NRG3: variants seen among roughly 807,000 people sequenced by gnomAD.
The protein encoded by NRG3 is pro-neuregulin-3, membrane-bound isoform.
Under a neutral mutation model 66.9 loss-of-function variants are expected in NRG3, and 31 were observed. The observed-to-expected ratio is 0.46, with a 90% confidence interval of 0.35 to 0.63. The LOEUF (loss-of-function observed/expected upper bound fraction) is 0.63. Ranked by LOEUF, NRG3 falls within the 20% of genes least tolerant of loss-of-function variation. NRG3 has a pLI of 0.00. For synonymous variants in NRG3, 393 were observed against 359.4 expected (o/e 1.09, Z -1.06); for missense variants, 910 against 878.9 (o/e 1.04, Z -0.45).
chr10:82,204,165 C>T (rs2074996615), intron 1 of NRG3, among the ~76,000 whole-genome samples: 1 of 152,104 alleles, frequency 6.6e-6, no homozygotes, highest in African/African-American at 2.4e-5. Context: ...CACATATTAA[C>T]AGGAGCTTTA....
At chr10:82,865,534 T>A (rs1158149993) in intron 4 of NRG3, 97 bp downstream of exon 4, 3 of 1,266,964 alleles carry the variant, frequency 2.4e-6, no homozygotes, top group Non-Finnish European at 3.3e-6. Context: ...AATTGAAATG[T>A]CTCATTATCA....
At chr10:82,218,968 A>C (rs2075813486) in intron 1 of NRG3, among the ~76,000 whole-genome samples, 1 of 151,862 alleles carries the variant, frequency 6.6e-6, no homozygotes, top group Non-Finnish European at 1.5e-5. Flanking sequence ...TACTTAAAAA[A>C]CCTATTAAAT....
chr10:82,733,241 A>G (rs920155041), intron 2 of NRG3, among the ~76,000 whole-genome samples: 1 of 152,222 alleles, frequency 6.6e-6, no homozygotes, highest in African/African-American at 2.4e-5. Context: ...TATTCTTCAT[A>G]TATTTGTCTC....
chr10:82,262,348 C>T (rs2078075756), intron 1 of NRG3, among the ~76,000 whole-genome samples: 2 of 152,104 alleles, frequency 1.3e-5, no homozygotes, highest in Admixed American at 1.3e-4. Flanking sequence ...AAGTATTCAG[C>T]CCTACTCTAG....
At chr10:82,462,973 G>A (rs982446437) in intron 2 of NRG3, among the ~76,000 whole-genome samples, 3 of 152,132 alleles carry the variant, frequency 2.0e-5, no homozygotes, top group Non-Finnish European at 4.4e-5. Flanking sequence ...TTGAACCCAA[G>A]ATGACTACAT....
intron 2 of NRG3, among the ~76,000 whole-genome samples, chr10:82,404,399 T>G (rs910415558): frequency 1.3e-5 from 2 of 152,168 alleles, no homozygotes; most frequent in Admixed American, 1.3e-4. Context: ...TAACCTCACC[T>G]AATGTCTCAC....
intron 2 of NRG3, among the ~76,000 whole-genome samples, chr10:82,491,219 C>G (rs1378295182): frequency 6.9e-6 from 1 of 145,382 alleles, no homozygotes; most frequent in Non-Finnish European, 1.5e-5. Context: ...AATCCCTACT[C>G]TGAACTATCT....
At chr10:82,519,032 A>G (rs1845953616) in intron 2 of NRG3, among the ~76,000 whole-genome samples, 1 of 152,172 alleles carries the variant, frequency 6.6e-6, no homozygotes, top group Non-Finnish European at 1.5e-5. Context: ...GTGCAGCTAC[A>G]ATGTGATCTC....
Position 82,441,820 on chromosome 10 carries a change from C to T in NRG3, c.953+82952C>T, listed in dbSNP as rs530646623. Among the ~76,000 whole-genome samples the T allele has an allele frequency of 8.5e-5, 13 of 152,324 alleles. No individual in the cohort carries two copies. In the South Asian group the frequency reaches 1.0e-3, roughly 12 times the overall value. On this transcript the variant is annotated intron_variant, in intron 2 of 8. Coordinates refer to ENST00000372141, the MANE Select transcript of NRG3 (RefSeq NM_001010848.4). ...CACAGCCTGCTGTGGTGACCAATCA[C>T]CAGTCAGATCACCAGGAGGCTCTCT...
At chr10:82,952,467 C>CTGTG (rs1849624428) in intron 5 of NRG3, among the ~76,000 whole-genome samples, 3 of 37,010 alleles carry the variant, frequency 8.1e-5, no homozygotes, top group African/African-American at 2.8e-4. Context: ...CTCTCTCTCT[C>CTGTG]TCTCTGTGTG....
At chr10:82,400,010 T>C (rs999313570) in intron 2 of NRG3, among the ~76,000 whole-genome samples, 5 of 152,126 alleles carry the variant, frequency 3.3e-5, no homozygotes, top group Non-Finnish European at 5.9e-5. Context: ...TGTCTGCCCT[T>C]AAGGGAGATG....
intron 1 of NRG3, among the ~76,000 whole-genome samples, chr10:82,298,271 G>T (rs2080192627): frequency 6.6e-6 from 1 of 151,140 alleles, no homozygotes; most frequent in Non-Finnish European, 1.5e-5. Context: ...GGGAAGGAAG[G>T]GAGAGAGGGA....
chr10:82,328,602 G>A (rs143750766), intron 1 of NRG3, among the ~76,000 whole-genome samples: 1 of 152,126 alleles, frequency 6.6e-6, no homozygotes, highest in Non-Finnish European at 1.5e-5. Flanking sequence ...GTTTGAGCAA[G>A]GATTGCTCAA....
At chr10:82,943,540 G>T (rs1848748042) in intron 4 of NRG3, among the ~76,000 whole-genome samples, 1 of 152,190 alleles carries the variant, frequency 6.6e-6, no homozygotes, top group Admixed American at 6.5e-5. Context: ...TGGAATTTTT[G>T]TCCAAGAACA....
At chr10:82,033,784 T>G (rs2062675236) in intron 1 of NRG3, among the ~76,000 whole-genome samples, 1 of 152,140 alleles carries the variant, frequency 6.6e-6, no homozygotes, top group South Asian at 2.1e-4. Context: ...ATTACTAAAT[T>G]AAACTCTATG....
intron 2 of NRG3, among the ~76,000 whole-genome samples, chr10:82,690,528 A>G (rs770155187): frequency 5.3e-5 from 8 of 152,198 alleles, no homozygotes; most frequent in Non-Finnish European, 1.0e-4. Flanking sequence ...AACATAAAAT[A>G]TCAATTATAT....
At chr10:82,306,074 G>A (rs2080707367) in intron 1 of NRG3, among the ~76,000 whole-genome samples, 1 of 152,168 alleles carries the variant, frequency 6.6e-6, no homozygotes, top group Admixed American at 6.5e-5. Context: ...TATGCCAAAT[G>A]TATTTTAAAG....
intron 1 of NRG3, among the ~76,000 whole-genome samples, chr10:82,119,265 G>A (rs2067927360): frequency 6.6e-6 from 1 of 152,038 alleles, no homozygotes; most frequent in African/African-American, 2.4e-5. Flanking sequence ...CAAAACCACT[G>A]TAACAACGAC....
chr10:82,595,799 G>A (rs1338842703), intron 2 of NRG3, among the ~76,000 whole-genome samples: 1 of 151,550 alleles, frequency 6.6e-6, no homozygotes, highest in East Asian at 2.0e-4. Flanking sequence ...AAAAAAAATA[G>A]ATTGGAACTT....
Sources: gnomAD v4.1 joint callset for allele counts (sites outside exome capture counted in the v4.1 genomes callset) on GRCh38, gnomAD v4.1.1 for gene constraint, MANE v1.5 for transcripts, NCBI Gene and HGNC (gene_info 2026-07-23, HGNC 2026-07-21) for gene names.